Variants in SDK1 observed in about 807,000 individuals in gnomAD.
SDK1 encodes protein sidekick-1.
Under a neutral mutation model 245.5 loss-of-function variants are expected in SDK1, and 157 were observed. That is an observed-to-expected ratio of 0.64 (90% CI 0.56 to 0.73). SDK1 has a LOEUF of 0.73. SDK1 is among the 30% of genes least tolerant of loss of function. The probability of loss-of-function intolerance (pLI) is 0.00; values close to 1 mark genes in which losing one functional copy is unlikely to be tolerated. For missense variants in SDK1, 3,583 were observed against 3,002.3 expected (o/e 1.19, Z -4.52); for synonymous variants, 1,647 against 1,278.5 (o/e 1.29, Z -6.15).
At chr7:3,922,623 A>G (rs1779633075) in intron 5 of SDK1, among the ~76,000 whole-genome samples, 1 of 152,178 alleles carries the variant, frequency 6.6e-6, no homozygotes. Context: ...GAAGAAATCT[A>G]GTTTTGGGAT....
intron 1 of SDK1, among the ~76,000 whole-genome samples, chr7:3,490,695 A>G (rs1781839134): frequency 6.6e-6 from 1 of 152,192 alleles, no homozygotes; most frequent in East Asian, 1.9e-4. Flanking sequence ...GCTCCCTTGA[A>G]TCCACATCCT....
intron 1 of SDK1, among the ~76,000 whole-genome samples, chr7:3,518,733 G>A (rs956094759): frequency 1.3e-5 from 2 of 151,986 alleles, no homozygotes; most frequent in African/African-American, 4.8e-5. Flanking sequence ...ATGCAGGAAA[G>A]TAAACTAGTA....
At chr7:4,203,094 C>A (rs1484924229) in intron 35 of SDK1, among the ~76,000 whole-genome samples, 1 of 152,268 alleles carries the variant, frequency 6.6e-6, no homozygotes, top group East Asian at 1.9e-4. Context: ...TGGGGCTTGG[C>A]TGCAGCCTCC....
intron 5 of SDK1, among the ~76,000 whole-genome samples, chr7:3,836,868 C>A (rs1426332421): frequency 6.6e-6 from 1 of 152,054 alleles, no homozygotes; most frequent in East Asian, 1.9e-4. Context: ...AAGATGAAAC[C>A]AGCTTTGCCA....
At chr7:3,590,300 C>CTT (rs200303832) in intron 1 of SDK1, among the ~76,000 whole-genome samples, 19,280 of 94,534 alleles carry the variant, frequency 0.2, 1,347 homozygotes, top group South Asian at 0.26. Flanking sequence ...TTTCCTGTTC[C>CTT]TTTTTTTTTT....
At chr7:4,248,741 C>T (rs532199455) in intron 44 of SDK1, among the ~76,000 whole-genome samples, 1 of 152,040 alleles carries the variant, frequency 6.6e-6, no homozygotes. Context: ...CAAATATGTA[C>T]ATGCAAAAAT....
chr7:4,214,857 CACA>C (rs1455839346), intron 38 of SDK1, among the ~76,000 whole-genome samples: 2 of 152,250 alleles, frequency 1.3e-5, no homozygotes, highest in Admixed American at 1.3e-4. Context: ...TCTTTCCCGC[CACA>C]ACACCGTCAG....
chr7:3,768,087 A>G (rs925477182), intron 4 of SDK1, among the ~76,000 whole-genome samples: 2 of 152,216 alleles, frequency 1.3e-5, no homozygotes, highest in Admixed American at 6.5e-5. Flanking sequence ...GCATGGCACA[A>G]TCCCAGGCTC....
intron 2 of SDK1, among the ~76,000 whole-genome samples, chr7:3,623,569 A>G (rs1395893314): frequency 1.3e-5 from 2 of 152,100 alleles, no homozygotes; most frequent in African/African-American, 2.4e-5. Flanking sequence ...ATTGATGCTC[A>G]TGTCTACATT....
At chr7:4,230,004 A>AATGGATGG (rs528007246) in intron 40 of SDK1, among the ~76,000 whole-genome samples, 1 of 123,312 alleles carries the variant, frequency 8.1e-6, no homozygotes, top group African/African-American at 3.1e-5. Context: ...ATGGATGGAT[A>AATGGATGG]ATGGATGGAT....
chr7:3,441,535 T>C (rs888963663), intron 1 of SDK1, among the ~76,000 whole-genome samples: 1 of 152,230 alleles, frequency 6.6e-6, no homozygotes, highest in African/African-American at 2.4e-5. Flanking sequence ...TGTGTGGATC[T>C]ATTTTTGGAC....
chr7:3,744,104 T>G (rs1583365467), intron 4 of SDK1, among the ~76,000 whole-genome samples: 1 of 152,126 alleles, frequency 6.6e-6, no homozygotes, highest in South Asian at 2.1e-4. Flanking sequence ...TGCCTCAGGA[T>G]CCTTCCGCTT....
intron 2 of SDK1, among the ~76,000 whole-genome samples, chr7:3,636,609 A>G (rs1180463131): frequency 6.6e-6 from 1 of 152,240 alleles, no homozygotes; most frequent in African/African-American, 2.4e-5. Flanking sequence ...ATTCCTCAGC[A>G]GACTCCTGGG....
intron 5 of SDK1, among the ~76,000 whole-genome samples, chr7:3,882,883 A>G (rs1448893704): frequency 1.3e-5 from 2 of 152,210 alleles, no homozygotes; most frequent in African/African-American, 2.4e-5. Context: ...GCAGAAAACA[A>G]TTTAGTCATG....
intron 1 of SDK1, among the ~76,000 whole-genome samples, chr7:3,523,476 A>T (rs1482345060): frequency 6.6e-6 from 1 of 152,116 alleles, no homozygotes; most frequent in Non-Finnish European, 1.5e-5. Flanking sequence ...TAGTGGATTA[A>T]AATGACCTTT....
chr7:3,788,122 G>C (rs550897267), intron 4 of SDK1, among the ~76,000 whole-genome samples: 7 of 152,126 alleles, frequency 4.6e-5, no homozygotes, highest in Non-Finnish European at 8.8e-5. Context: ...CTTCTGCTTC[G>C]ATTGAAGCAG....
At chr7:3,568,861 T>G (rs1287345517) in intron 1 of SDK1, among the ~76,000 whole-genome samples, 1 of 152,206 alleles carries the variant, frequency 6.6e-6, no homozygotes, top group African/African-American at 2.4e-5. Flanking sequence ...GAGCATATAT[T>G]TATTCTACAT....
intron 32 of SDK1, among the ~76,000 whole-genome samples, chr7:4,169,661 C>G (rs568120235): frequency 6.6e-6 from 1 of 152,194 alleles, no homozygotes; most frequent in Non-Finnish European, 1.5e-5. Flanking sequence ...GAATATATTC[C>G]CCAAGGGGCG....
intron 1 of SDK1, among the ~76,000 whole-genome samples, chr7:3,331,431 A>T: frequency 6.6e-6 from 1 of 152,140 alleles, no homozygotes; most frequent in East Asian, 1.9e-4. Context: ...CGTATTGTCC[A>T]TTTGCATATC....
Sources: gnomAD v4.1 joint callset for allele counts (sites outside exome capture counted in the v4.1 genomes callset) on GRCh38, gnomAD v4.1.1 for gene constraint, MANE v1.5 for transcripts, NCBI Gene and HGNC (gene_info 2026-07-23, HGNC 2026-07-21) for gene names.